AUTS2: variants seen among roughly 807,000 people sequenced by gnomAD.
AUTS2 encodes the protein autism susceptibility gene 2 protein.
A neutral mutation model predicts 112.4 loss-of-function variants in AUTS2; 17 were observed. That is an observed-to-expected ratio of 0.15 (90% CI 0.10 to 0.23). The LOEUF (loss-of-function observed/expected upper bound fraction) is 0.23. Ranked by LOEUF, AUTS2 falls within the 10% of genes least tolerant of loss-of-function variation. The probability of loss-of-function intolerance (pLI) is 1.00; values close to 1 mark genes in which losing one functional copy is unlikely to be tolerated. For synonymous variants in AUTS2, 751 were observed against 702.7 expected, an observed-to-expected ratio of 1.07 and a Z score of -1.09; for missense variants, 1,510 against 1,701.6, an observed-to-expected ratio of 0.89 and a Z score of 1.98.
rs558442920 is a variant in AUTS2 at position 69,967,013 on chromosome 7, A to G, written c.522+67515A>G. Among the ~76,000 whole-genome samples the G allele has an allele frequency of 5.3e-5, 8 of 152,300 alleles. No individual in the cohort carries two copies. In the South Asian group the frequency reaches 1.5e-3, roughly 28 times the overall value. On this transcript the variant is annotated intron_variant, in intron 2 of 18. Coordinates refer to ENST00000342771, the MANE Select transcript of AUTS2 (RefSeq NM_015570.4). ...GCTGTCCCAATTTTCTTTCTCTGGT[A>G]CAAAAGGTTAGAAGATGTTGTTTCA...
At chr7:69,635,973 C>G (rs947242015) in intron 1 of AUTS2, among the ~76,000 whole-genome samples, 1 of 152,104 alleles carries the variant, frequency 6.6e-6, no homozygotes, top group Non-Finnish European at 1.5e-5. Context: ...TTTTAAAGAG[C>G]CTTTGTTTTG....
At chr7:70,564,725 G>C (rs1457767517) in intron 5 of AUTS2, among the ~76,000 whole-genome samples, 1 of 152,172 alleles carries the variant, frequency 6.6e-6, no homozygotes, top group Non-Finnish European at 1.5e-5. Context: ...ATATTATTGT[G>C]ATCCATCAAA....
At chr7:70,713,629 TCACGCCTGTAATCCCAG>T (rs1230663182) in intron 6 of AUTS2, among the ~76,000 whole-genome samples, 1 of 151,758 alleles carries the variant, frequency 6.6e-6, no homozygotes, top group Non-Finnish European at 1.5e-5. Flanking sequence ...GCGTGGTGGC[TCACGCCTGTAATCCCAG>T]CACTTTGGGA....
intron 6 of AUTS2, among the ~76,000 whole-genome samples, chr7:70,715,300 A>G (rs1175882598): frequency 6.6e-6 from 1 of 152,178 alleles, no homozygotes; most frequent in Non-Finnish European, 1.5e-5. Context: ...GTTTGTGTTT[A>G]TCAATTGGAG....
At chr7:70,534,845 A>G (rs1263194063) in intron 5 of AUTS2, among the ~76,000 whole-genome samples, 1 of 152,088 alleles carries the variant, frequency 6.6e-6, no homozygotes. Context: ...GGCAGTAATG[A>G]TGATGATGAT....
At chr7:69,725,830 A>C (rs901679169) in intron 1 of AUTS2, among the ~76,000 whole-genome samples, 4 of 152,184 alleles carry the variant, frequency 2.6e-5, no homozygotes, top group African/African-American at 9.6e-5. Context: ...TCAGTTCATG[A>C]GTATCCAGTT....
intron 2 of AUTS2, among the ~76,000 whole-genome samples, chr7:70,100,564 G>A (rs1804430398): frequency 6.6e-6 from 1 of 151,552 alleles, no homozygotes; most frequent in South Asian, 2.1e-4. Flanking sequence ...TTCTCCTAAC[G>A]CTATCCCTCC....
intron 2 of AUTS2, among the ~76,000 whole-genome samples, chr7:70,110,248 G>A (rs1461236219): frequency 3.9e-5 from 6 of 152,232 alleles, no homozygotes; most frequent in African/African-American, 1.2e-4. Flanking sequence ...GGGCGCAGTG[G>A]CTCACGCCAG....
intron 2 of AUTS2, among the ~76,000 whole-genome samples, chr7:70,004,054 A>G (rs1350735036): frequency 1.1e-4 from 13 of 123,246 alleles, no homozygotes; most frequent in Non-Finnish European, 1.7e-4. Flanking sequence ...AATGTGTTAT[A>G]TGTGAATATA....
intron 5 of AUTS2, among the ~76,000 whole-genome samples, chr7:70,494,138 T>A (rs1798357011): frequency 6.6e-6 from 1 of 152,228 alleles, no homozygotes; most frequent in African/African-American, 2.4e-5. Flanking sequence ...GCAGAGCTGA[T>A]CTTTGTGACC....
chr7:70,371,456 G>A lies in AUTS2; in HGVS notation c.661-64296G>A, dbSNP rs566872720. Reference sequence around the variant, plus strand: ...GCTAACTGAATTTGATCAAACAGATGTAAGACATAATTGCAGTGTGCAGTC... The same window carrying A: ...GCTAACTGAATTTGATCAAACAGATATAAGACATAATTGCAGTGTGCAGTC... On this transcript the variant is annotated intron_variant, in intron 4 of 18. Coordinates refer to ENST00000342771, the MANE Select transcript of AUTS2 (RefSeq NM_015570.4). Among the ~76,000 whole-genome samples the A allele has an allele frequency of 3.9e-5, 6 of 152,334 alleles. No individual in the cohort carries two copies. In the East Asian group the frequency reaches 9.6e-4, roughly 24 times the overall value.
chr7:69,748,414 T>C (rs907504590), intron 1 of AUTS2, among the ~76,000 whole-genome samples: 1 of 152,206 alleles, frequency 6.6e-6, no homozygotes, highest in Non-Finnish European at 1.5e-5. Context: ...CTTCCACTTA[T>C]CCACAAATCA....
intron 1 of AUTS2, among the ~76,000 whole-genome samples, chr7:69,681,559 T>TA (rs1445710691): frequency 1.5e-4 from 23 of 152,244 alleles, no homozygotes; most frequent in Admixed American, 3.9e-4. Context: ...GGCACTGACT[T>TA]ACGCATAGAA....
intron 1 of AUTS2, among the ~76,000 whole-genome samples, chr7:69,821,678 A>G (rs879756652): frequency 7.9e-5 from 12 of 152,064 alleles, no homozygotes; most frequent in South Asian, 2.1e-4. Context: ...ACCGGGAAAA[A>G]CAAACAACTC....
intron 2 of AUTS2, among the ~76,000 whole-genome samples, chr7:69,980,369 G>C (rs562116519): frequency 6.6e-6 from 1 of 152,338 alleles, no homozygotes; most frequent in Admixed American, 6.5e-5. Flanking sequence ...CAGTTTTGCA[G>C]AGGGAGTGCA....
At chr7:70,306,079 G>A (rs115326851) in intron 4 of AUTS2, among the ~76,000 whole-genome samples, 1,668 of 152,190 alleles carry the variant, frequency 0.011, 28 homozygotes, top group African/African-American at 0.037. Context: ...GGGAATCATA[G>A]AATCACATTT....
chr7:69,981,019 T>C (rs985873052), intron 2 of AUTS2, among the ~76,000 whole-genome samples: 1 of 152,220 alleles, frequency 6.6e-6, no homozygotes, highest in African/African-American at 2.4e-5. Context: ...CCTTTCCCAG[T>C]CTTTCTATAG....
At chr7:70,160,607 TC>T (rs1808027045) in intron 4 of AUTS2, among the ~76,000 whole-genome samples, 2 of 152,204 alleles carry the variant, frequency 1.3e-5, no homozygotes, top group African/African-American at 4.8e-5. Context: ...GTGTAAGCTT[TC>T]TGACAGTTAT....
chr7:69,880,528 A>T (rs1308998834), intron 1 of AUTS2, among the ~76,000 whole-genome samples: 1 of 152,072 alleles, frequency 6.6e-6, no homozygotes, highest in Non-Finnish European at 1.5e-5. Context: ...GATGCTTCAA[A>T]CCCCTGACTA....
Sources: gnomAD v4.1 joint callset for allele counts (sites outside exome capture counted in the v4.1 genomes callset) on GRCh38, gnomAD v4.1.1 for gene constraint, MANE v1.5 for transcripts, NCBI Gene and HGNC (gene_info 2026-07-23, HGNC 2026-07-21) for gene names.